PTPRJ: variants seen among roughly 807,000 people sequenced by gnomAD.
PTPRJ encodes the protein protein tyrosine phosphatase receptor type J.
A neutral mutation model predicts 141.3 loss-of-function variants in PTPRJ; 129 were observed. That is an observed-to-expected ratio of 0.91 (90% CI 0.79 to 1.06). The LOEUF is 1.06. Among genes scored for constraint, PTPRJ ranks in the 50% least tolerant of loss-of-function variants. The pLI, the probability that PTPRJ is intolerant of heterozygous loss-of-function variation, is 0.00. For synonymous variants in PTPRJ, 610 were observed against 640.5 expected (o/e 0.95, Z 0.72); for missense variants, 1,601 against 1,679.7 (o/e 0.95, Z 0.82).
chr11:47,999,129 A>G (rs536495225), intron 1 of PTPRJ, among the ~76,000 whole-genome samples: 3 of 152,338 alleles, frequency 2.0e-5, no homozygotes, highest in African/African-American at 4.8e-5. Flanking sequence ...TGGGCCCTGT[A>G]TAGAAGGGAT....
chr11:48,040,036 G>T (rs1179003279), intron 1 of PTPRJ, among the ~76,000 whole-genome samples: 2 of 152,180 alleles, frequency 1.3e-5, no homozygotes, highest in Non-Finnish European at 2.9e-5. Flanking sequence ...TGATCTGCCC[G>T]CTGCAGCTTC....
chr11:48,110,130 G>T, intron 2 of PTPRJ, 54 bp downstream of exon 2: 2 of 1,547,270 alleles, frequency 1.3e-6, no homozygotes, highest in Non-Finnish European at 1.8e-6. Context: ...CCCCCTAATG[G>T]ACACACAGCA....
At chr11:48,073,490 T>G (rs187114538) in intron 1 of PTPRJ, among the ~76,000 whole-genome samples, 3 of 152,246 alleles carry the variant, frequency 2.0e-5, no homozygotes, top group Non-Finnish European at 2.9e-5. Flanking sequence ...GCACAGTGTT[T>G]ACTAGCACAG....
chr11:48,124,878 G>A (rs1856798345), intron 5 of PTPRJ, 90 bp from the exon 6 acceptor site: 2 of 1,204,766 alleles, frequency 1.7e-6, no homozygotes, highest in African/African-American at 1.5e-5. Flanking sequence ...ACTGTCTGAT[G>A]GCCATCTGAT....
At chr11:48,007,557 C>T (rs1854657212) in intron 1 of PTPRJ, among the ~76,000 whole-genome samples, 1 of 152,182 alleles carries the variant, frequency 6.6e-6, no homozygotes, top group Non-Finnish European at 1.5e-5. Context: ...CATGTGCCAC[C>T]ACACCTGGCT....
chr11:48,149,366 G>T lies in PTPRJ; in HGVS notation c.3000-81G>T. On this transcript the variant is annotated intron_variant, in intron 15 of 24. Transcript: ENST00000418331. ...GGTGTAACACCTTTATTTCATAGAT[G>T]ACATCAACTCCAGATACACAAGGGA... 4.4e-6 allele frequency: 4 copies of T among 919,062 alleles called. No homozygotes were observed. In the South Asian group the frequency reaches 6.2e-5, roughly 14 times the overall value. 56.9% of individuals were successfully genotyped at this position (919,062 alleles called of 1,614,324 possible).
At chr11:48,048,784 A>G (rs1854475713) in intron 1 of PTPRJ, among the ~76,000 whole-genome samples, 1 of 152,158 alleles carries the variant, frequency 6.6e-6, no homozygotes, top group African/African-American at 2.4e-5. Context: ...ACAGAGCGAG[A>G]CTCCATCTCA....
intron 1 of PTPRJ, among the ~76,000 whole-genome samples, chr11:48,052,214 G>A (rs1166852902): frequency 1.3e-5 from 2 of 152,226 alleles, no homozygotes; most frequent in Non-Finnish European, 2.9e-5. Context: ...GTGACATCCA[G>A]CTCAGTGTGT....
At chr11:47,989,671 T>C (rs2134177274) in intron 1 of PTPRJ, among the ~76,000 whole-genome samples, 1 of 152,300 alleles carries the variant, frequency 6.6e-6, no homozygotes, top group East Asian at 1.9e-4. Context: ...TTGTTATCAA[T>C]TTGTATAAGC....
At chr11:48,010,456 G>T (rs1854753168) in intron 1 of PTPRJ, among the ~76,000 whole-genome samples, 1 of 151,968 alleles carries the variant, frequency 6.6e-6, no homozygotes, top group African/African-American at 2.4e-5. Flanking sequence ...TGGGATTACA[G>T]GGTGAACCAC....
intron 1 of PTPRJ, among the ~76,000 whole-genome samples, chr11:48,070,608 A>G (rs1855222056): frequency 6.6e-6 from 1 of 151,790 alleles, no homozygotes; most frequent in African/African-American, 2.4e-5. Context: ...GTGGAGTAGT[A>G]CTCACACTAT....
chr11:48,036,255 C>A (rs1345073585), intron 1 of PTPRJ, among the ~76,000 whole-genome samples: 2 of 152,242 alleles, frequency 1.3e-5, no homozygotes, highest in Admixed American at 1.3e-4. Flanking sequence ...CCCTTCTTGG[C>A]ATTCCCAGCA....
chr11:48,086,947 T>C (rs968793549), intron 1 of PTPRJ, among the ~76,000 whole-genome samples: 3 of 152,176 alleles, frequency 2.0e-5, no homozygotes, highest in Non-Finnish European at 2.9e-5. Flanking sequence ...AAAAGTTGTA[T>C]TGGTAGAATT....
chr11:48,127,582 A>C (rs567478154), intron 6 of PTPRJ, among the ~76,000 whole-genome samples, 198 bp from the exon 7 acceptor site: 6 of 152,292 alleles, frequency 3.9e-5, no homozygotes, highest in Admixed American at 2.6e-4. Context: ...GCCATTGGCC[A>C]GGTTGTTTCT....
intron 1 of PTPRJ, among the ~76,000 whole-genome samples, chr11:47,982,813 T>C (rs1192246335): frequency 6.6e-5 from 10 of 152,114 alleles, no homozygotes; most frequent in Admixed American, 6.6e-4. Flanking sequence ...CATTAGCATA[T>C]TGCCACTCTA....
At chr11:48,084,892 T>G (rs1338367247) in intron 1 of PTPRJ, among the ~76,000 whole-genome samples, 1 of 152,136 alleles carries the variant, frequency 6.6e-6, no homozygotes, top group African/African-American at 2.4e-5. Flanking sequence ...GTACAATTAT[T>G]TGTAATTAAA....
intron 1 of PTPRJ, among the ~76,000 whole-genome samples, chr11:48,069,858 T>C (rs1388594349): frequency 6.6e-6 from 1 of 152,228 alleles, no homozygotes; most frequent in Non-Finnish European, 1.5e-5. Flanking sequence ...CCATTAAATA[T>C]GCCAAGTTCT....
chr11:48,127,105 C>T (rs1856855085), intron 6 of PTPRJ, among the ~76,000 whole-genome samples: 1 of 152,084 alleles, frequency 6.6e-6, no homozygotes, highest in Non-Finnish European at 1.5e-5. Flanking sequence ...AGGGGCCTGC[C>T]CATTGGCTCA....
intron 1 of PTPRJ, among the ~76,000 whole-genome samples, chr11:48,004,913 C>T (rs543959076): frequency 6.6e-5 from 10 of 152,124 alleles, no homozygotes; most frequent in African/African-American, 2.4e-4. Flanking sequence ...CAGTAAAATT[C>T]ATCCATTTAG....
Sources: gnomAD v4.1 joint callset for allele counts (sites outside exome capture counted in the v4.1 genomes callset) on GRCh38, gnomAD v4.1.1 for gene constraint, MANE v1.5 for transcripts, NCBI Gene and HGNC (gene_info 2026-07-23, HGNC 2026-07-21) for gene names.